The following CDK5RAP2 variants were observed in gnomAD, a reference collection of about 807,000 sequenced individuals.
The protein encoded by CDK5RAP2 is CDK5 regulatory subunit associated protein 2.
CDK5RAP2 carries 147 observed loss-of-function variants against 232.9 expected under a neutral mutation model. The observed-to-expected ratio is 0.63, with a 90% CI of 0.55 to 0.72. The LOEUF is 0.72. Among genes scored for constraint, CDK5RAP2 ranks in the 30% least tolerant of loss-of-function variants. The pLI, the probability that CDK5RAP2 is intolerant of heterozygous loss-of-function variation, is 0.00. For synonymous variants in CDK5RAP2, 833 were observed against 833.7 expected, an observed-to-expected ratio of 1.00 and a Z score of 0.01; for missense variants, 2,195 against 2,231.5, an observed-to-expected ratio of 0.98 and a Z score of 0.33.
intron 12 of CDK5RAP2, among the ~76,000 whole-genome samples, chr9:120,497,012 G>C (rs576662500): frequency 0.027 from 3,704 of 135,278 alleles, 17 homozygotes; most frequent in Non-Finnish European, 0.04. Flanking sequence ...GATGGTTGCC[G>C]TGTCTGTGTA....
At position 120,407,412 on chromosome 9, in the gene CDK5RAP2, T is replaced by C. The variant is rs1003650852; in HGVS notation, c.4727-164A>G. 6.0e-6 allele frequency: 4 copies of C among 662,980 alleles called. No homozygotes were observed. The African/African-American group carries it at 7.2e-5, about 12-fold the overall frequency. 41.1% of individuals were successfully genotyped at this position (662,980 alleles called of 1,614,324 possible). ...AACTTGACTTTAGAAACAAAAATAT[T>C]GGCAGACTTAATTGCTGCTATTCCA... On this transcript the variant is annotated intron_variant, in intron 31 of 37. Coordinates refer to ENST00000349780, the MANE Select transcript of CDK5RAP2 (RefSeq NM_018249.6).
Position 120,525,096 on chromosome 9 carries a change from A to C in CDK5RAP2, c.1000-18T>G, listed in dbSNP as rs765773931. ...TCTTCAACCTGGGGAAAAATAATGA[A>C]TACCAGCCAAGTATGTAACTGGGCT... is the stretch of plus-strand genomic sequence containing the variant. On this transcript the variant is annotated intron_variant, in intron 10 of 37. Coordinates refer to ENST00000349780, the MANE Select transcript of CDK5RAP2 (RefSeq NM_018249.6). 2.5e-6 allele frequency: 4 copies of C among 1,591,810 alleles called. No individual in the cohort carries two copies. The highest frequency in any genetic ancestry group is 2.2e-5 in the South Asian group (2 of 90,626).
At chr9:120,576,702 A>C (rs1191421585) in intron 1 of CDK5RAP2, among the ~76,000 whole-genome samples, 1 of 151,982 alleles carries the variant, frequency 6.6e-6, no homozygotes, top group Admixed American at 6.6e-5. Context: ...ACTCTGTCTC[A>C]ACGACAAAAA....
At chr9:120,579,119 G>A (rs2043148057) in intron 1 of CDK5RAP2, among the ~76,000 whole-genome samples, 1 of 152,162 alleles carries the variant, frequency 6.6e-6, no homozygotes, top group Admixed American at 6.5e-5. Flanking sequence ...CACCAGCAAT[G>A]GGGACTCCCA....
intron 11 of CDK5RAP2, among the ~76,000 whole-genome samples, chr9:120,521,147 C>T (rs962097661): frequency 6.6e-5 from 10 of 152,136 alleles, no homozygotes; most frequent in Non-Finnish European, 1.3e-4. Context: ...TACAATAACA[C>T]TATTAACCAA....
chr9:120,524,617 G>A (rs140304418), intron 11 of CDK5RAP2, among the ~76,000 whole-genome samples: 101 of 151,568 alleles, frequency 6.7e-4, no homozygotes, highest in Non-Finnish European at 1.2e-3. Context: ...AAGCCTCAGC[G>A]ACAGAGGGGG....
At chr9:120,401,459 A>G (rs1363132955) in intron 34 of CDK5RAP2, among the ~76,000 whole-genome samples, 1 of 152,002 alleles carries the variant, frequency 6.6e-6, no homozygotes, top group Non-Finnish European at 1.5e-5. Context: ...AAAAAAATAA[A>G]AAATTAGCTA....
At chr9:120,562,624 C>A (rs1396311539) in intron 3 of CDK5RAP2, among the ~76,000 whole-genome samples, 2 of 152,002 alleles carry the variant, frequency 1.3e-5, no homozygotes, top group African/African-American at 4.8e-5. Context: ...CACCCTCATT[C>A]TCCCACTCTT....
intron 3 of CDK5RAP2, among the ~76,000 whole-genome samples, chr9:120,553,632 C>T (rs2042123583): frequency 6.6e-6 from 1 of 152,222 alleles, no homozygotes; most frequent in South Asian, 2.1e-4. Flanking sequence ...TTCTAGGGCA[C>T]TGATAATGTA....
intron 26 of CDK5RAP2, among the ~76,000 whole-genome samples, chr9:120,420,439 A>G (rs936590984): frequency 6.6e-6 from 1 of 152,210 alleles, no homozygotes; most frequent in Non-Finnish European, 1.5e-5. Context: ...CCAAGGCCCC[A>G]GGAGAATGTG....
At chr9:120,390,789 C>T (rs535013656) in intron 36 of CDK5RAP2, among the ~76,000 whole-genome samples, 2 of 152,232 alleles carry the variant, frequency 1.3e-5, no homozygotes, top group Non-Finnish European at 2.9e-5. Context: ...CATAGCCTGA[C>T]TCCCCAGTGG....
intron 34 of CDK5RAP2, among the ~76,000 whole-genome samples, chr9:120,402,165 C>T (rs1179865777): frequency 4.0e-5 from 6 of 151,894 alleles, no homozygotes; most frequent in African/African-American, 9.7e-5. Context: ...TGATGGCACA[C>T]GCCTGTGGTC....
intron 35 of CDK5RAP2, among the ~76,000 whole-genome samples, chr9:120,397,560 A>G (rs1367892034): frequency 6.0e-4 from 79 of 131,264 alleles, no homozygotes; most frequent in Admixed American, 1.1e-3. Context: ...AAAAAAAAAA[A>G]AAAAAGAAAA....
At chr9:120,515,651 A>G (rs558796038) in intron 12 of CDK5RAP2, among the ~76,000 whole-genome samples, 2 of 152,388 alleles carry the variant, frequency 1.3e-5, no homozygotes, top group African/African-American at 4.8e-5. Flanking sequence ...ATTTGGCAAC[A>G]TAATTAACCA....
chr9:120,407,441 G>A, intron 31 of CDK5RAP2, 193 bp from the exon 32 acceptor site: 1 of 605,574 alleles, frequency 1.7e-6, no homozygotes, highest in Non-Finnish European at 3.0e-6. Context: ...TATTCCACAC[G>A]CTAAATAAGA....
intron 35 of CDK5RAP2, among the ~76,000 whole-genome samples, chr9:120,395,217 G>T (rs560582672): frequency 1.3e-5 from 2 of 152,270 alleles, no homozygotes; most frequent in African/African-American, 4.8e-5. Context: ...CCACAAAACT[G>T]AATATAAACG....
chr9:120,565,055 G>A (rs1272920210), intron 3 of CDK5RAP2, among the ~76,000 whole-genome samples: 1 of 152,190 alleles, frequency 6.6e-6, no homozygotes, highest in Non-Finnish European at 1.5e-5. Flanking sequence ...TGGATTACCA[G>A]TTTAAAGACC....
At chr9:120,471,568 C>G (rs769923333) in intron 16 of CDK5RAP2, among the ~76,000 whole-genome samples, 180 bp downstream of exon 16, 1 of 152,186 alleles carries the variant, frequency 6.6e-6, no homozygotes, top group African/African-American at 2.4e-5. Context: ...GAATTTAGTA[C>G]AACTTACTGG....
Position 120,409,134 on chromosome 9 carries a change from G to T in CDK5RAP2, c.4597C>A (p.Leu1533Met). ...IQEVRCSGQE[L>M]SRVQEEVKLR... is the part of the protein sequence containing the mutation. ...GGGAAGCACAGCCACTACCTGCTCA[G>T]CTCCTGGCCGCTGCAGCGGACCTCC... The change falls in exon 30 of 38, where the codon CTG becomes ATG. Residue 1533 changes from leucine to methionine, a missense_variant. Physicochemically the swap from Leu to Met is conservative, Grantham distance 15. Transcript: ENST00000349780. 1 of 1,611,604 alleles carries T rather than the reference G, an allele frequency of 6.2e-7. No individual in the cohort carries two copies. The highest frequency in any genetic ancestry group is 8.5e-7 in the Non-Finnish European group (1 of 1,179,964).
Sources: allele counts gnomAD v4.1 joint callset (sites outside exome capture counted in the v4.1 genomes callset), GRCh38; gene constraint gnomAD v4.1.1; transcripts MANE v1.5; gene names NCBI Gene and HGNC (gene_info 2026-07-23, HGNC 2026-07-21).